UBA6: variants seen among roughly 807,000 people sequenced by gnomAD.
UBA6 encodes the protein ubiquitin like modifier activating enzyme 6, also known as ubiquitin-like modifier-activating enzyme 6.
In UBA6, 87 loss-of-function variants were observed where a neutral mutation model predicts 148.3. The observed-to-expected ratio is 0.59, with a 90% CI of 0.49 to 0.70. The LOEUF (loss-of-function observed/expected upper bound fraction) is 0.70. Ranked by LOEUF, UBA6 falls within the 30% of genes least tolerant of loss-of-function variation. UBA6 has a pLI of 0.00. For synonymous variants in UBA6, 376 were observed against 401.0 expected (o/e 0.94, Z 0.75); for missense variants, 1,186 against 1,241.2 (o/e 0.96, Z 0.67).
Position 67,630,436 on chromosome 4 carries a change from T to A in UBA6, c.2328+30A>T, listed in dbSNP as rs899361240. 5.3e-6 allele frequency: 8 copies of A among 1,515,842 alleles called. No individual in the cohort carries two copies. In the African/African-American group the frequency reaches 1.1e-4, roughly 21 times the overall value. The allele number at this position is 1,515,842 out of a possible 1,614,324, so 93.9% of individuals were successfully genotyped here. A position where few individuals can be genotyped will look rare whatever the true frequency, so the allele number is the denominator to read the frequency against. Reference sequence around the variant, plus strand: ...CATCTAATTCTAATTTGGTTTTGCATCACTTGCTAAGGCTTAAAGAATATC... The same window carrying A: ...CATCTAATTCTAATTTGGTTTTGCAACACTTGCTAAGGCTTAAAGAATATC... On this transcript the variant is annotated intron_variant, in intron 26 of 32. Coordinates refer to ENST00000322244, the MANE Select transcript of UBA6 (RefSeq NM_018227.6).
chr4:67,650,868 G>C (rs1729539009), intron 13 of UBA6, among the ~76,000 whole-genome samples: 2 of 152,120 alleles, frequency 1.3e-5, no homozygotes, highest in Non-Finnish European at 2.9e-5. Flanking sequence ...CAAAAGAGGG[G>C]AGACATTCTT....
At chr4:67,662,059 C>A (rs75982882) in intron 13 of UBA6, 130 bp downstream of exon 13, 15,230 of 732,844 alleles carry the variant, frequency 0.021, 373 homozygotes, top group East Asian at 0.089. Context: ...TAAAACAGAA[C>A]AAACTGAAAA....
rs1730970701 is a variant in UBA6 at position 67,701,081 on chromosome 4, T to C, written c.39A>G (p.Glu13=). 1.2e-6 allele frequency: 2 copies of C among 1,613,776 alleles called. No individual in the cohort carries two copies. Among genetic ancestry groups the C allele is most frequent in the Non-Finnish European group, 1.7e-6 (2 of 1,179,778 alleles). ...TCCCCCAGGAAGAACAGGACGCCTC[T>C]TCCCCCTGATGGGCGGCCACAGGCT... The part of the protein sequence containing the change: ...GSEPVAAHQG[E]EASCSSWGTG... The change falls in exon 1 of 33, where the codon GAA becomes GAG. Residue 13 remains glutamate (E), a synonymous_variant. Coordinates refer to ENST00000322244, the MANE Select transcript of UBA6 (RefSeq NM_018227.6).
At position 67,661,361 on chromosome 4, in the gene UBA6, A is replaced by C. The variant is rs117868293; in HGVS notation, c.1104+828T>G. The stretch of plus-strand genomic sequence containing the variant: ...AGGGCAGGACCACGTGGAGGTAATC[A>C]GTGAGTGATAGTGAGTGAGTCTCAT... On this transcript the variant is annotated intron_variant, in intron 13 of 32. Transcript: ENST00000322244. Among the ~76,000 whole-genome samples the C allele has an allele frequency of 2.8e-4, 43 of 152,246 alleles. No homozygotes were observed. In the East Asian group the frequency reaches 8.1e-3, roughly 29 times the overall value.
At position 67,648,467 on chromosome 4, in the gene UBA6, CA is replaced by C. The variant is rs575104020; in HGVS notation, c.1248+600del. On this transcript the variant is annotated intron_variant, in intron 14 of 32. Transcript: ENST00000322244. ...TGGGTAACAGTGTGAGACTCTGTCT[CA>C]AAAAAAAAAAAAAATTAAAAAAAAA... Among the ~76,000 whole-genome samples the C allele has an allele frequency of 4.3e-3, 444 of 104,272 alleles. 2 individuals carry two copies. The highest frequency in any genetic ancestry group is 0.01 in the African/African-American group (295 of 28,904). The allele number at this position is 104,272 out of a possible 152,430, so 68.4% of individuals were successfully genotyped here. A position where few individuals can be genotyped will look rare whatever the true frequency, so the allele number is the denominator to read the frequency against.
At chr4:67,683,968 C>T (rs1730501174) in intron 2 of UBA6, among the ~76,000 whole-genome samples, 1 of 152,162 alleles carries the variant, frequency 6.6e-6, no homozygotes, top group African/African-American at 2.4e-5. Context: ...GTCCCAGCTA[C>T]TCGGATGGCT....
At chr4:67,626,532 GT>G in intron 27 of UBA6, 55 bp from the exon 28 acceptor site, 1 of 1,116,274 alleles carries the variant, frequency 9.0e-7, no homozygotes, top group Non-Finnish European at 1.3e-6. Flanking sequence ...CATCTGTTTG[GT>G]TACCATTTAA....
chr4:67,631,653 TTACAG>T, intron 25 of UBA6, 50 bp downstream of exon 25: 1 of 1,328,752 alleles, frequency 7.5e-7, no homozygotes, highest in Non-Finnish European at 1.1e-6. Context: ...GTTAAGGAAT[TTACAG>T]TAAAGAAATA....
chr4:67,629,329 A>C (rs548070604), intron 26 of UBA6, among the ~76,000 whole-genome samples, 187 bp from the exon 27 acceptor site: 4 of 151,870 alleles, frequency 2.6e-5, no homozygotes, highest in East Asian at 1.9e-4. Context: ...GTTATGGGGG[A>C]GGAGAAGGTA....
At chr4:67,676,973 A>G (rs1730295645) in intron 6 of UBA6, among the ~76,000 whole-genome samples, 1 of 151,252 alleles carries the variant, frequency 6.6e-6, no homozygotes, top group Non-Finnish European at 1.5e-5. Context: ...TGTTGTTGTT[A>G]TTTAAGGAAT....
intron 30 of UBA6, among the ~76,000 whole-genome samples, chr4:67,623,703 A>C (rs577471196): frequency 6.6e-6 from 1 of 152,176 alleles, no homozygotes; most frequent in African/African-American, 2.4e-5. Flanking sequence ...GTAATGTATG[A>C]GAGTGTCTGC....
At chr4:67,639,340 C>A (rs1386339258) in intron 18 of UBA6, among the ~76,000 whole-genome samples, 2 of 151,968 alleles carry the variant, frequency 1.3e-5, no homozygotes, top group Non-Finnish European at 2.9e-5. Flanking sequence ...AAATAATTTA[C>A]AAATTATTAA....
At chr4:67,656,538 A>T (rs928303675) in intron 13 of UBA6, among the ~76,000 whole-genome samples, 1 of 152,204 alleles carries the variant, frequency 6.6e-6, no homozygotes, top group African/African-American at 2.4e-5. Context: ...CCTCAAAATA[A>T]TAAGAGCTAT....
chr4:67,639,787 AAAC>A (rs1048874508), intron 18 of UBA6, among the ~76,000 whole-genome samples: 9 of 152,274 alleles, frequency 5.9e-5, no homozygotes, highest in Middle Eastern at 3.4e-3. Flanking sequence ...AATAACAATA[AAAC>A]AATACAATCA....
rs138656278 is a variant in UBA6 at position 67,665,952 on chromosome 4, T to C, written c.794-660A>G. 7.4e-3 allele frequency among the ~76,000 whole-genome samples: 1,124 copies of C among 152,130 alleles called. 9 individuals carry two copies. The highest frequency in any genetic ancestry group is 0.013 in the Non-Finnish European group (872 of 68,000). On this transcript the variant is annotated intron_variant, in intron 9 of 32. Transcript: ENST00000322244. ...AAAGAAAATATTTAAAATTTGACTA[T>C]AAAAACATAAAAAAGAAAACCTCAT...
At chr4:67,648,932 G>A (rs967320000) in intron 14 of UBA6, 136 bp downstream of exon 14, 2 of 837,342 alleles carry the variant, frequency 2.4e-6, no homozygotes, top group African/African-American at 3.5e-5. Flanking sequence ...AGTGTTGGAG[G>A]CATACTGCTT....
intron 13 of UBA6, among the ~76,000 whole-genome samples, chr4:67,652,586 G>A (rs1265051417): frequency 2.0e-5 from 3 of 152,154 alleles, no homozygotes; most frequent in African/African-American, 7.2e-5. Flanking sequence ...GGAACAGCTC[G>A]TCTGCAGCTC....
chr4:67,667,448 T>C (rs540691341), intron 9 of UBA6, among the ~76,000 whole-genome samples: 113 of 152,264 alleles, frequency 7.4e-4, no homozygotes, highest in Middle Eastern at 3.4e-3. Flanking sequence ...TACTTAAATA[T>C]AGATTCAAAG....
At chr4:67,620,790 T>C (rs138027187) in intron 32 of UBA6, among the ~76,000 whole-genome samples, 323 of 152,322 alleles carry the variant, frequency 2.1e-3, no homozygotes, top group Non-Finnish European at 3.9e-3. Flanking sequence ...TGCTCAACTA[T>C]GGGCACAGTC....
Sources: allele counts gnomAD v4.1 joint callset (sites outside exome capture counted in the v4.1 genomes callset), GRCh38; gene constraint gnomAD v4.1.1; transcripts MANE v1.5; gene names NCBI Gene and HGNC (gene_info 2026-07-23, HGNC 2026-07-21).